Variants in HERC3 observed in about 807,000 individuals in gnomAD.
HERC3 encodes probable E3 ubiquitin-protein ligase HERC3.
Under a neutral mutation model 129.9 loss-of-function variants are expected in HERC3, and 58 were observed. The observed-to-expected ratio is 0.45, with a 90% confidence interval of 0.36 to 0.56. The LOEUF (loss-of-function observed/expected upper bound fraction) is 0.56, where lower values mean the gene tolerates loss of function less well. HERC3 is among the 20% of genes least tolerant of loss of function. HERC3 has a pLI of 0.00. For synonymous variants in HERC3, 430 were observed against 451.0 expected, an observed-to-expected ratio of 0.95 and a Z score of 0.59; for missense variants, 835 against 1,244.2, an observed-to-expected ratio of 0.67 and a Z score of 4.95.
In HERC3 at chr4:88,704,188, G is replaced by T; in HGVS notation, c.2748G>T (p.Val916=). 6.2e-7 allele frequency: 1 copy of T among 1,614,126 alleles called. No individual in the cohort carries two copies. Among genetic ancestry groups the T allele is most frequent in the Non-Finnish European group, 8.5e-7 (1 of 1,179,994 alleles). The change falls in exon 24 of 26, where the codon GTG becomes GTT. Residue 916 remains valine (V), a synonymous_variant. Transcript: ENST00000402738. Reference sequence around the variant, plus strand: ...CCTTCTCTAGTGGCTTCCTAAAGGTGTGTGGTGGCAAAGTACTTGAGCTCT... The same window carrying T: ...CCTTCTCTAGTGGCTTCCTAAAGGTTTGTGGTGGCAAAGTACTTGAGCTCT... ...YTAFSSGFLK[V]CGGKVLELFQ... is the part of the protein sequence containing the mutation.
intron 3 of HERC3, among the ~76,000 whole-genome samples, chr4:88,645,591 A>G (rs556272099): frequency 6.6e-6 from 1 of 152,144 alleles, no homozygotes; most frequent in East Asian, 1.9e-4. Flanking sequence ...AATTCTATAT[A>G]TACTATGCTT....
chr4:88,672,763 A>G (rs867276174), intron 16 of HERC3, among the ~76,000 whole-genome samples: 1 of 152,240 alleles, frequency 6.6e-6, no homozygotes. Flanking sequence ...TGGAAATTAA[A>G]TGGGAGAAAG....
chr4:88,542,740 T>C, the HERC3 span, among the ~76,000 whole-genome samples: 1 of 152,178 alleles, frequency 6.6e-6, no homozygotes, highest in Non-Finnish European at 1.5e-5. Flanking sequence ...TTATCCACCA[T>C]GATCAACTTG....
chr4:88,662,682 G>A lies in HERC3; in HGVS notation c.1271+127G>A, dbSNP rs538425645. 37 of 1,013,612 alleles carry A rather than the reference G, an allele frequency of 3.7e-5. No homozygotes were observed. The South Asian group carries it at 4.0e-4, about 11-fold the overall frequency. 62.8% of individuals were successfully genotyped at this position (1,013,612 alleles called of 1,614,324 possible). On this transcript the variant is annotated intron_variant, in intron 11 of 25. Transcript: ENST00000402738. ...ATGGGGTTTTACATTATAGGGAATC[G>A]TGGGTTATTTTTGGTTACTATTTCA...
intron 21 of HERC3, 152 bp downstream of exon 21, chr4:88,681,477 G>A: frequency 1.5e-6 from 1 of 654,262 alleles, no homozygotes; most frequent in Non-Finnish European, 2.6e-6. Flanking sequence ...ATGTAGCTGT[G>A]CAGCTACTTG....
At chr4:88,547,916 A>T in the HERC3 span, among the ~76,000 whole-genome samples, 47 of 152,320 alleles carry the variant, frequency 3.1e-4, no homozygotes, top group Middle Eastern at 6.8e-3. Flanking sequence ...TCGGCCTCCC[A>T]AAGTGCTGGG....
rs1220284140 is a variant in HERC3 at position 88,670,329 on chromosome 4, T to C, written c.1911+77T>C. 4.3e-6 allele frequency: 4 copies of C among 940,812 alleles called. No homozygotes were observed. The African/African-American group carries it at 6.6e-5, about 16-fold the overall frequency. 58.3% of individuals were successfully genotyped at this position (940,812 alleles called of 1,614,324 possible). On this transcript the variant is annotated intron_variant, in intron 16 of 25. Transcript: ENST00000402738. The stretch of plus-strand genomic sequence containing the variant: ...CACATGTGAGCTGTATAATATGTCT[T>C]TGACTTTGATGTCAGTGTGTCACCT...
chr4:88,688,865 A>T (rs1452496440), intron 23 of HERC3, among the ~76,000 whole-genome samples: 1 of 152,220 alleles, frequency 6.6e-6, no homozygotes, highest in Non-Finnish European at 1.5e-5. Context: ...AGTTAGAATA[A>T]AATGCAGACT....
At position 88,602,024 on chromosome 4, in the gene HERC3, C is replaced by G. The variant is rs566432634; in HGVS notation, c.-29-3771C>G. On this transcript the variant is annotated intron_variant, in intron 2 of 25. Coordinates refer to ENST00000402738, the MANE Select transcript of HERC3 (RefSeq NM_014606.3). ...TGAGCCGAGATCCCGCCACTGCACT[C>G]CAGCCTGGGCGACAGAGCGAGACTC... Among the ~76,000 whole-genome samples the G allele has an allele frequency of 1.0e-4, 9 of 87,486 alleles. 2 individuals are homozygous for G. In the South Asian group the frequency reaches 3.4e-3, roughly 33 times the overall value. The allele number at this position is 87,486 out of a possible 152,430, so 57.4% of individuals were successfully genotyped here. A position where few individuals can be genotyped will look rare whatever the true frequency, so the allele number is the denominator to read the frequency against.
chr4:88,554,423 G>T, the HERC3 span, among the ~76,000 whole-genome samples: 1 of 151,982 alleles, frequency 6.6e-6, no homozygotes, highest in Non-Finnish European at 1.5e-5. Context: ...TTGGTAGCAG[G>T]CACATAATTT....
chr4:88,537,135 A>C, the HERC3 span, among the ~76,000 whole-genome samples: 1 of 152,204 alleles, frequency 6.6e-6, no homozygotes, highest in Non-Finnish European at 1.5e-5. Flanking sequence ...TCAGAAAATT[A>C]ATATTTATAC....
intron 21 of HERC3, among the ~76,000 whole-genome samples, chr4:88,684,070 ATTCC>A (rs2149321424): frequency 6.6e-6 from 1 of 152,340 alleles, no homozygotes; most frequent in Admixed American, 6.5e-5. Flanking sequence ...ATTCAGTACT[ATTCC>A]CATCAAGCTA....
intron 23 of HERC3, among the ~76,000 whole-genome samples, chr4:88,688,715 A>G (rs1283419510): frequency 6.6e-6 from 1 of 152,248 alleles, no homozygotes; most frequent in Non-Finnish European, 1.5e-5. Flanking sequence ...AAGAAGTCTT[A>G]TATGAATATT....
chr4:88,535,414 C>T, the HERC3 span, among the ~76,000 whole-genome samples: 1 of 152,204 alleles, frequency 6.6e-6, no homozygotes, highest in Non-Finnish European at 1.5e-5. Flanking sequence ...GTACTTTAGT[C>T]ACCAACTTAG....
intron 3 of HERC3, among the ~76,000 whole-genome samples, chr4:88,629,972 G>A (rs1333150311): frequency 6.6e-6 from 1 of 152,118 alleles, no homozygotes; most frequent in East Asian, 1.9e-4. Context: ...CAGTCTATGG[G>A]TATTGACTGC....
the HERC3 span, among the ~76,000 whole-genome samples, chr4:88,559,182 T>C: frequency 6.6e-6 from 1 of 152,296 alleles, no homozygotes; most frequent in East Asian, 1.9e-4. Context: ...CAGTAGGATA[T>C]AAATAACTCC....
chr4:88,664,798 C>T (rs1730869950), intron 12 of HERC3, among the ~76,000 whole-genome samples: 1 of 151,922 alleles, frequency 6.6e-6, no homozygotes, highest in Middle Eastern at 3.2e-3. Context: ...GGGAGTAATT[C>T]TAAGGAGGCT....
chr4:88,653,825 C>T (rs1729552161), intron 6 of HERC3, among the ~76,000 whole-genome samples: 1 of 152,124 alleles, frequency 6.6e-6, no homozygotes, highest in African/African-American at 2.4e-5. Context: ...GTAAAGTGAG[C>T]TGGAGAGTGG....
At chr4:88,538,287 G>C in the HERC3 span, among the ~76,000 whole-genome samples, 3 of 152,156 alleles carry the variant, frequency 2.0e-5, no homozygotes, top group African/African-American at 7.2e-5. Context: ...ACACTGCAAT[G>C]CTCTTTGAGA....
Sources: allele counts gnomAD v4.1 joint callset (sites outside exome capture counted in the v4.1 genomes callset), GRCh38; gene constraint gnomAD v4.1.1; transcripts MANE v1.5; gene names NCBI Gene and HGNC (gene_info 2026-07-23, HGNC 2026-07-21).